Variants in SCHIP1 observed in about 807,000 individuals in gnomAD.
The protein encoded by SCHIP1 is schwannomin interacting protein 1.
SCHIP1 carries 8 observed loss-of-function variants against 29.7 expected under a neutral mutation model. The observed-to-expected ratio is 0.27, with a 90% confidence interval of 0.16 to 0.49. The LOEUF is 0.49. Among genes scored for constraint, SCHIP1 ranks in the 20% least tolerant of loss-of-function variants. The pLI, the probability that SCHIP1 is intolerant of heterozygous loss-of-function variation, is 0.99. For synonymous variants in SCHIP1, 76 were observed against 94.9 expected (o/e 0.80, Z 1.16); for missense variants, 193 against 294.6 (o/e 0.66, Z 2.52).
the SCHIP1 span, among the ~76,000 whole-genome samples, chr3:159,777,247 T>A: frequency 6.6e-6 from 1 of 152,176 alleles, no homozygotes; most frequent in African/African-American, 2.4e-5. Context: ...AAAACTGAGA[T>A]CCAAAGAGGC....
the SCHIP1 span, among the ~76,000 whole-genome samples, chr3:159,793,639 C>T: frequency 9.9e-5 from 15 of 152,210 alleles, no homozygotes; most frequent in African/African-American, 3.6e-4. Flanking sequence ...CTCACTGCAA[C>T]TTCTGCCTCC....
chr3:159,394,652 C>T, the SCHIP1 span, among the ~76,000 whole-genome samples: 31 of 151,990 alleles, frequency 2.0e-4, 1 homozygote, highest in Middle Eastern at 0.01. Context: ...GCCTTGCATC[C>T]CAGGGATGAA....
the SCHIP1 span, among the ~76,000 whole-genome samples, chr3:159,510,161 TC>T: frequency 6.6e-6 from 1 of 152,324 alleles, no homozygotes; most frequent in South Asian, 2.1e-4. Context: ...GAGGCTATGT[TC>T]ATTTCTTTTT....
At chr3:159,409,161 A>G in the SCHIP1 span, among the ~76,000 whole-genome samples, 49 of 152,324 alleles carry the variant, frequency 3.2e-4, no homozygotes, top group African/African-American at 1.1e-3. Context: ...GCCACATATG[A>G]CAAACCCACA....
chr3:159,579,782 A>C, the SCHIP1 span, among the ~76,000 whole-genome samples: 1 of 152,228 alleles, frequency 6.6e-6, no homozygotes, highest in South Asian at 2.1e-4. Flanking sequence ...ATTTTGTTTA[A>C]GAGGCACATT....
the SCHIP1 span, among the ~76,000 whole-genome samples, chr3:159,735,580 C>T: frequency 0.15 from 23,164 of 152,100 alleles, 4,716 homozygotes; most frequent in African/African-American, 0.47. Flanking sequence ...CAGCTGTCTT[C>T]AAGAACATGA....
the SCHIP1 span, among the ~76,000 whole-genome samples, chr3:159,515,738 T>G: frequency 2.6e-5 from 4 of 152,136 alleles, no homozygotes; most frequent in Non-Finnish European, 1.5e-5. Flanking sequence ...CTCTTGGGTT[T>G]TGGGATACAA....
the SCHIP1 span, among the ~76,000 whole-genome samples, chr3:159,498,672 A>C: frequency 6.6e-6 from 1 of 152,172 alleles, no homozygotes; most frequent in Non-Finnish European, 1.5e-5. Flanking sequence ...TTTGCCTAAA[A>C]AAAAAAAATC....
chr3:159,795,812 G>A, the SCHIP1 span, among the ~76,000 whole-genome samples: 1 of 152,036 alleles, frequency 6.6e-6, no homozygotes, highest in South Asian at 2.1e-4. Context: ...TTTGCTCTGG[G>A]GACCATATGG....
At chr3:159,870,141 T>C (rs1336325412) in intron 2 of SCHIP1, among the ~76,000 whole-genome samples, 1 of 152,028 alleles carries the variant, frequency 6.6e-6, no homozygotes, top group Non-Finnish European at 1.5e-5. Flanking sequence ...GTAGATTCCC[T>C]GGGATTTTTA....
chr3:159,622,155 C>T, the SCHIP1 span, among the ~76,000 whole-genome samples: 1 of 152,210 alleles, frequency 6.6e-6, no homozygotes, highest in Non-Finnish European at 1.5e-5. Context: ...ACCTACTTTG[C>T]TTCAGGCTTG....
the SCHIP1 span, among the ~76,000 whole-genome samples, chr3:159,279,572 G>A: frequency 2.0e-5 from 3 of 151,998 alleles, no homozygotes; most frequent in South Asian, 4.2e-4. Context: ...TTCTACTGTG[G>A]GAAGACTTCT....
chr3:159,851,005 G>C (rs767830591), intron 1 of SCHIP1, among the ~76,000 whole-genome samples: 2 of 152,212 alleles, frequency 1.3e-5, no homozygotes, highest in Non-Finnish European at 2.9e-5. Context: ...TGGGCGTGGT[G>C]CTTCACATCT....
At chr3:159,877,592 G>C (rs1281685600) in intron 2 of SCHIP1, among the ~76,000 whole-genome samples, 1 of 152,120 alleles carries the variant, frequency 6.6e-6, no homozygotes, top group African/African-American at 2.4e-5. Context: ...ATGGTCAAAA[G>C]AATAAAAGAA....
chr3:159,630,783 G>C, the SCHIP1 span, among the ~76,000 whole-genome samples: 2 of 152,134 alleles, frequency 1.3e-5, no homozygotes, highest in African/African-American at 4.8e-5. Context: ...CTGCTTGGGC[G>C]ATGGGTGCAC....
chr3:159,632,068 T>C, the SCHIP1 span, among the ~76,000 whole-genome samples: 1 of 152,124 alleles, frequency 6.6e-6, no homozygotes, highest in Non-Finnish European at 1.5e-5. Flanking sequence ...ATGTTTTAGC[T>C]ATGTATGAAG....
At chr3:159,689,748 T>C in the SCHIP1 span, among the ~76,000 whole-genome samples, 1 of 152,186 alleles carries the variant, frequency 6.6e-6, no homozygotes, top group Non-Finnish European at 1.5e-5. Flanking sequence ...CATAAATAGC[T>C]CTTATTATTT....
chr3:159,355,048 A>G, the SCHIP1 span, among the ~76,000 whole-genome samples: 4 of 152,158 alleles, frequency 2.6e-5, no homozygotes, highest in Non-Finnish European at 5.9e-5. Context: ...CAGGGCAGCT[A>G]GAAGGTTTGC....
At chr3:159,593,254 C>G in the SCHIP1 span, among the ~76,000 whole-genome samples, 39 of 152,272 alleles carry the variant, frequency 2.6e-4, no homozygotes, top group African/African-American at 8.7e-4. Context: ...GAATCAGAGA[C>G]AGGCCTTTAG....
Sources: gnomAD v4.1 joint callset for allele counts (sites outside exome capture counted in the v4.1 genomes callset) on GRCh38, gnomAD v4.1.1 for gene constraint, MANE v1.5 for transcripts, NCBI Gene and HGNC (gene_info 2026-07-23, HGNC 2026-07-21) for gene names.